The following TRAPPC11 variants were observed in gnomAD, a reference collection of about 807,000 sequenced individuals.
TRAPPC11 encodes the protein trafficking protein particle complex subunit 11, also known as foie gras homolog.
TRAPPC11 carries 104 observed loss-of-function variants against 151.2 expected under a neutral mutation model. The ratio of observed to expected loss-of-function variants is 0.69; its 90% CI spans 0.59 to 0.81. The LOEUF is 0.81. TRAPPC11 is among the 30% of genes least tolerant of loss of function. The probability of loss-of-function intolerance (pLI) is 0.00; values close to 1 mark genes in which losing one functional copy is unlikely to be tolerated. For missense variants in TRAPPC11, 1,230 were observed against 1,349.6 expected (o/e 0.91, Z 1.39); for synonymous variants, 456 against 472.3 (o/e 0.97, Z 0.45).
rs531905653 is a variant in TRAPPC11 at position 183,704,413 on chromosome 4, C to T, written c.2964-566C>T. On this transcript the variant is annotated intron_variant, in intron 26 of 29. Coordinates refer to ENST00000334690, the MANE Select transcript of TRAPPC11 (RefSeq NM_021942.6). ...TCACGCGCCTGTAATCCCAGCTACT[C>T]GGGAGGCTGAGGCAGGAGAATCACT... 5.3e-4 allele frequency among the ~76,000 whole-genome samples: 79 copies of T among 150,378 alleles called. 1 individual carries two copies. Among genetic ancestry groups the T allele is most frequent in the African/African-American group, 1.8e-3 (73 of 40,706 alleles).
At chr4:183,682,702 T>C in intron 10 of TRAPPC11, 30 bp from the exon 11 acceptor site, 2 of 1,516,186 alleles carry the variant, frequency 1.3e-6, no homozygotes, top group South Asian at 1.2e-5. Flanking sequence ...TTCCATAAAC[T>C]ATTATTTAGG....
At position 183,684,824 on chromosome 4, in the gene TRAPPC11, T is replaced by C. The variant is rs746684457; in HGVS notation, c.1550T>C (p.Leu517Pro). Residue 517 changes from leucine to proline, a missense_variant, in exon 15 of 30, where the codon CTA (leucine) becomes CCA (proline). Transcript: ENST00000334690. ...AQLKDYITYS[L>P]ELLGRASTLK... ...TTAAAGGATTACATTACTTACTCCC[T>C]AGAACTCCTTGGTAGAGGTAACCTG... The C allele has an allele frequency of 2.5e-6, 4 of 1,613,520 alleles. No individual in the cohort carries two copies. Among genetic ancestry groups the C allele is most frequent in the Non-Finnish European group, 3.4e-6 (4 of 1,179,654 alleles).
At position 183,674,081 on chromosome 4, in the gene TRAPPC11, A is replaced by G. The variant is rs191447154; in HGVS notation, c.561-632A>G. 5.3e-5 allele frequency among the ~76,000 whole-genome samples: 8 copies of G among 152,292 alleles called. No individual in the cohort carries two copies. The East Asian group carries it at 1.5e-3, about 29-fold the overall frequency. ...TTTCAGACTTTTTATAAAAATATAA[A>G]ATAGTAGGGGCGAATGTGCTTTTAG... On this transcript the variant is annotated intron_variant, in intron 5 of 29. Coordinates refer to ENST00000334690, the MANE Select transcript of TRAPPC11 (RefSeq NM_021942.6).
chr4:183,693,806 T>C, intron 21 of TRAPPC11, 69 bp downstream of exon 21: 1 of 1,597,150 alleles, frequency 6.3e-7, no homozygotes, highest in Non-Finnish European at 8.5e-7. Context: ...TGATGTCAAC[T>C]CTAGGACTTT....
Position 183,708,502 on chromosome 4 carries a change from C to T in TRAPPC11, c.3285C>T (p.Ile1095=). 6.2e-7 allele frequency: 1 copy of T among 1,614,118 alleles called. No homozygotes were observed. The highest frequency in any genetic ancestry group is 2.2e-5 in the East Asian group (1 of 44,872). The change falls in exon 29 of 30, where the codon ATC becomes ATT. Residue 1095 remains isoleucine (I), a synonymous_variant. Coordinates refer to ENST00000334690, the MANE Select transcript of TRAPPC11 (RefSeq NM_021942.6). ...AGYQQLPSLN[I]NLLRFPNFTN... Reference sequence around the variant, plus strand: ...ACCAGCAGCTGCCATCTCTCAACATCAACTTGCTTAGATTTCCTAACTTCA... The same window carrying T: ...ACCAGCAGCTGCCATCTCTCAACATTAACTTGCTTAGATTTCCTAACTTCA...
chr4:183,694,153 G>T, intron 22 of TRAPPC11, 115 bp downstream of exon 22: 1 of 1,092,108 alleles, frequency 9.2e-7, no homozygotes. Flanking sequence ...CTGAAAAAGT[G>T]ATTTAACTAA....
chr4:183,688,320 G>A (rs1277142388), intron 18 of TRAPPC11, among the ~76,000 whole-genome samples: 1 of 152,148 alleles, frequency 6.6e-6, no homozygotes, highest in Non-Finnish European at 1.5e-5. Context: ...TCGAAAAGAT[G>A]GAGGGGGAGA....
Position 183,697,795 on chromosome 4 carries a change from C to T in TRAPPC11, c.2811C>T (p.Ser937=), listed in dbSNP as rs368829322. The change falls in exon 25 of 30, where the codon TCC becomes TCT. Residue 937 remains serine, a synonymous_variant. Transcript: ENST00000334690. ...CCAGTGAGCTCCAGCTTGCTCCATCCATGACCACAGTGGACCAGCTCGAGT... is the reference window on the plus strand; with the variant it reads ...CCAGTGAGCTCCAGCTTGCTCCATCTATGACCACAGTGGACCAGCTCGAGT... The part of the protein sequence containing the change: ...IVSSELQLAP[S]MTTVDQLESQ... The T allele has an allele frequency of 1.9e-6, 3 of 1,613,902 alleles. No individual in the cohort carries two copies. In the African/African-American group the frequency reaches 4.0e-5, roughly 22 times the overall value.
At chr4:183,705,482 T>C (rs1277440604) in intron 27 of TRAPPC11, among the ~76,000 whole-genome samples, 1 of 152,200 alleles carries the variant, frequency 6.6e-6, no homozygotes, top group Non-Finnish European at 1.5e-5. Flanking sequence ...TATACTATCC[T>C]GTAACCTATA....
chr4:183,675,322 A>T, intron 7 of TRAPPC11, 85 bp downstream of exon 7: 1 of 791,524 alleles, frequency 1.3e-6, no homozygotes, highest in South Asian at 2.9e-5. Flanking sequence ...CAGCCAAAGT[A>T]TAATTAAGTT....
chr4:183,701,040 A>T (rs557286110), intron 25 of TRAPPC11: 1 of 152,038 alleles, frequency 6.6e-6, no homozygotes, highest in East Asian at 1.9e-4. Context: ...TAGGGACGAG[A>T]TCTCCCTGTG....
In TRAPPC11 at chr4:183,672,960, A is replaced by ATTTTTTT. The variant is rs35637688; in HGVS notation, c.561-1739_561-1733dup. ...GTGCCTTGTTGCTACCCGTTCGCAA[A>ATTTTTTT]TTTTTTTTTTTTTTTTTTTTGAGAT... On this transcript the variant is annotated intron_variant, in intron 5 of 29. Coordinates refer to ENST00000334690, the MANE Select transcript of TRAPPC11 (RefSeq NM_021942.6). 3.3e-3 allele frequency among the ~76,000 whole-genome samples: 435 copies of ATTTTTTT among 131,000 alleles called. 5 individuals carry two copies. The highest frequency in any genetic ancestry group is 0.012 in the African/African-American group (402 of 34,338). 85.9% of individuals were successfully genotyped at this position (131,000 alleles called of 152,430 possible). A position where few individuals can be genotyped will look rare whatever the true frequency, so the allele number is the denominator to read the frequency against.
intron 8 of TRAPPC11, among the ~76,000 whole-genome samples, chr4:183,678,732 A>T (rs1453723987): frequency 6.6e-6 from 1 of 152,228 alleles, no homozygotes; most frequent in Non-Finnish European, 1.5e-5. Context: ...TGGCTGAGAG[A>T]CAGGAATGGA....
intron 28 of TRAPPC11, 29 bp from the exon 29 acceptor site, chr4:183,708,378 A>G (rs761026336): frequency 1.2e-6 from 2 of 1,602,994 alleles, no homozygotes; most frequent in South Asian, 2.2e-5. Flanking sequence ...GTATTTGATT[A>G]TCTTTCTCTG....
chr4:183,698,540 A>G (rs982233662), intron 25 of TRAPPC11, among the ~76,000 whole-genome samples: 1 of 152,214 alleles, frequency 6.6e-6, no homozygotes, highest in Non-Finnish European at 1.5e-5. Context: ...TTGTTCTTTC[A>G]TGAACTTGGA....
At chr4:183,707,217 A>G (rs941838020) in intron 28 of TRAPPC11, among the ~76,000 whole-genome samples, 6 of 151,208 alleles carry the variant, frequency 4.0e-5, no homozygotes, top group Non-Finnish European at 7.4e-5. Flanking sequence ...TGAAAAACTT[A>G]AAAATGTCCC....
chr4:183,675,712 G>A (rs2111333844), intron 7 of TRAPPC11: 1 of 152,312 alleles, frequency 6.6e-6, no homozygotes, highest in East Asian at 1.9e-4. Flanking sequence ...GCTGAAGTGA[G>A]CACCAGACTA....
rs1252513246 is a variant in TRAPPC11, at chr4:183,693,079, CA to C, written c.2173del (p.Arg725GlyfsTer16). ...AAGCCTTACAGGCAGCTCGGTCTTT[CA>C]AAAGGCGACCTAAGCTACCTGACAA... ...QEALQAARSF[K>X]RRPKLPDNEV... On this transcript the variant is annotated frameshift_variant, in exon 20 of 30. Coordinates refer to ENST00000334690, the MANE Select transcript of TRAPPC11 (RefSeq NM_021942.6). LOFTEE classifies it high-confidence loss of function. The C allele has an allele frequency of 2.5e-6, 4 of 1,613,038 alleles. No individual in the cohort carries two copies. Among genetic ancestry groups the C allele is most frequent in the Non-Finnish European group, 3.4e-6 (4 of 1,179,480 alleles).
chr4:183,663,755 T>TTTG, intron 1 of TRAPPC11, 92 bp from the exon 2 acceptor site: 9 of 473,398 alleles, frequency 1.9e-5, no homozygotes, highest in East Asian at 1.5e-4. Context: ...TTTTTTTTTT[T>TTTG]GAGACAGAGT....
Sources: allele counts gnomAD v4.1 joint callset (sites outside exome capture counted in the v4.1 genomes callset), GRCh38; gene constraint gnomAD v4.1.1; transcripts MANE v1.5; gene names NCBI Gene and HGNC (gene_info 2026-07-23, HGNC 2026-07-21).